PLIN2: variants seen among roughly 807,000 people sequenced by gnomAD.
PLIN2 encodes perilipin-2.
In PLIN2, 33 loss-of-function variants were observed where a neutral mutation model predicts 30.6. The ratio of observed to expected loss-of-function variants is 1.08; its 90% CI spans 0.82 to 1.44. PLIN2 has a LOEUF of 1.44. Among genes scored for constraint, PLIN2 ranks in the 40% most tolerant of loss-of-function variants. PLIN2 has a pLI of 0.00. For synonymous variants in PLIN2, 205 were observed against 201.1 expected (o/e 1.02, Z -0.16); for missense variants, 610 against 531.8 (o/e 1.15, Z -1.45).
At chr9:19,115,695 A>C (rs543782549), downstream of PLIN2, 2 of 152,386 alleles carry the variant, frequency 1.3e-5, no homozygotes, top group African/African-American at 4.8e-5. Context: ...ATGTATAATA[A>C]CTCTGTCATG....
At chr9:19,122,349 T>TGCC (rs2131182728) in intron 4 of PLIN2, among the ~76,000 whole-genome samples, 1 of 152,226 alleles carries the variant, frequency 6.6e-6, no homozygotes, top group Non-Finnish European at 1.5e-5. Context: ...TATAATGAAC[T>TGCC]GCCCTATAAC....
Position 19,116,273 on chromosome 9 carries a change from T to C in PLIN2, c.1289A>G (p.Gln430Arg). The C allele has an allele frequency of 1.9e-6, 3 of 1,603,694 alleles. No homozygotes were observed. Among genetic ancestry groups the C allele is most frequent in the Non-Finnish European group, 2.6e-6 (3 of 1,174,234 alleles). The change falls in exon 8 of 8, where the codon CAG becomes CGG. Residue 430 changes from glutamine to arginine, a missense_variant. By Grantham distance (43) the Gln-to-Arg change is conservative. Transcript: ENST00000276914. ...TTAATGAGTTTTATGCTCAGATCGC[T>C]GGGTCTCCTGGCTGCTCTTGTCCAT... The part of the protein sequence containing the change: ...AEMDKSSQET[Q>R]RSEHKTH
chr9:19,124,224 C>A (rs2131184625), intron 3 of PLIN2, among the ~76,000 whole-genome samples: 1 of 152,112 alleles, frequency 6.6e-6, no homozygotes, highest in South Asian at 2.1e-4. Flanking sequence ...TATCAACTGG[C>A]CCCTAATGTT....
intron 2 of PLIN2, among the ~76,000 whole-genome samples, chr9:19,109,191 C>G (rs1192382972): frequency 6.6e-6 from 1 of 152,176 alleles, no homozygotes; most frequent in Non-Finnish European, 1.5e-5. Context: ...ACAAGAAACT[C>G]TATCAAATTT....
intron 4 of PLIN2, 126 bp from the exon 5 acceptor site, chr9:19,121,291 T>G: frequency 1.2e-6 from 1 of 826,544 alleles, no homozygotes; most frequent in Non-Finnish European, 1.9e-6. Context: ...ACTCTAGCTT[T>G]AGGTCTTGGG....
chr9:19,118,169 T>A, intron 7 of PLIN2, 152 bp downstream of exon 7: 1 of 692,906 alleles, frequency 1.4e-6, no homozygotes. Context: ...TAGTTTTGCT[T>A]TTCTGCCACA....
At chr9:19,116,694 G>A in intron 7 of PLIN2, 45 bp from the exon 8 acceptor site, 1 of 1,525,476 alleles carries the variant, frequency 6.6e-7, no homozygotes. Flanking sequence ...ACAGTGCTAT[G>A]TATAAATTAG....
downstream of PLIN2, among the ~76,000 whole-genome samples, chr9:19,114,019 C>G (rs1818189756): frequency 2.0e-5 from 3 of 152,068 alleles, no homozygotes; most frequent in Non-Finnish European, 4.4e-5. Flanking sequence ...ACCTCTTGAT[C>G]TGCCAGCCTC....
chr9:19,122,313 A>G (rs543782609), intron 4 of PLIN2, among the ~76,000 whole-genome samples: 326 of 152,278 alleles, frequency 2.1e-3, no homozygotes, highest in Non-Finnish European at 3.6e-3. Context: ...GCGATGGACC[A>G]CTATTCAATG....
chr9:19,118,212 A>G, intron 7 of PLIN2, 109 bp downstream of exon 7: 2 of 1,120,596 alleles, frequency 1.8e-6, no homozygotes, highest in Non-Finnish European at 2.5e-6. Context: ...GTATTGTTCA[A>G]CCTTTTGATA....
At position 19,116,444 on chromosome 9, in the gene PLIN2, G is replaced by T; in HGVS notation, c.1118C>A (p.Ser373Tyr). The T allele has an allele frequency of 6.2e-7, 1 of 1,614,166 alleles. No homozygotes were observed. The highest frequency in any genetic ancestry group is 8.5e-7 in the Non-Finnish European group (1 of 1,180,022). Residue 373 changes from serine to tyrosine, a missense_variant, in exon 8 of 8, where the codon TCT becomes TAT. Physicochemically the swap from Ser to Tyr is moderately radical, Grantham distance 144. Transcript: ENST00000276914. ...FKEVSDSLLT[S>Y]SKGQLQKMKE... The stretch of plus-strand genomic sequence containing the variant: ...CATTTTCTGCAGCTGCCCCTTGCTA[G>T]AAGTGAGGAGGCTGTCAGACACTTC...
Position 19,126,385 on chromosome 9 carries a change from C to A in PLIN2, c.30+12G>T, listed in dbSNP as rs1370961807. Reference sequence around the variant, plus strand: ...GGAGAGAAAGTAGACAAAGGCTACTCAAAATTCATACCGGTTGTGGATCAA... The same window carrying A: ...GGAGAGAAAGTAGACAAAGGCTACTAAAAATTCATACCGGTTGTGGATCAA... On this transcript the variant is annotated intron_variant, in intron 2 of 7. Transcript: ENST00000276914. 1.9e-6 allele frequency: 3 copies of A among 1,613,890 alleles called. No homozygotes were observed. The highest frequency in any genetic ancestry group is 2.5e-6 in the Non-Finnish European group (3 of 1,179,862).
chr9:19,119,385 C>T (rs1292447951), intron 6 of PLIN2, among the ~76,000 whole-genome samples: 1 of 152,204 alleles, frequency 6.6e-6, no homozygotes, highest in African/African-American at 2.4e-5. Flanking sequence ...TTCTCTACAC[C>T]GTTGCCAACA....
At chr9:19,123,186 A>T (rs1432274039) in intron 4 of PLIN2, 1 of 629,714 alleles carries the variant, frequency 1.6e-6, no homozygotes, top group Non-Finnish European at 2.7e-6. Context: ...TAGCTATCCC[A>T]TATGGATGGT....
intron 4 of PLIN2, chr9:19,123,276 A>C: frequency 7.8e-7 from 1 of 1,283,458 alleles, no homozygotes; most frequent in Non-Finnish European, 1.1e-6. Flanking sequence ...CCACAAGACA[A>C]TCAGTTACTT....
intron 3 of PLIN2, among the ~76,000 whole-genome samples, chr9:19,124,820 G>A (rs1185685906): frequency 6.6e-6 from 1 of 152,094 alleles, no homozygotes; most frequent in Non-Finnish European, 1.5e-5. Context: ...AAAGTAGAAC[G>A]AACCCAAACA....
intron 3 of PLIN2, among the ~76,000 whole-genome samples, chr9:19,124,019 A>T (rs1323263220): frequency 6.7e-6 from 1 of 150,094 alleles, no homozygotes; most frequent in African/African-American, 2.4e-5. Flanking sequence ...CTCCATCTCA[A>T]AAAAAAAAAA....
chr9:19,120,153 A>G (rs1701141368), intron 5 of PLIN2, among the ~76,000 whole-genome samples: 1 of 151,492 alleles, frequency 6.6e-6, no homozygotes, highest in Non-Finnish European at 1.5e-5. Context: ...CAACCTCCCG[A>G]GCTCAACTGA....
intron 7 of PLIN2, 99 bp from the exon 8 acceptor site, chr9:19,116,748 T>C: frequency 2.1e-6 from 2 of 958,188 alleles, no homozygotes; most frequent in South Asian, 3.2e-5. Context: ...CATATGTGGA[T>C]TCTTTGGCTT....
Sources: allele counts gnomAD v4.1 joint callset (sites outside exome capture counted in the v4.1 genomes callset), GRCh38; gene constraint gnomAD v4.1.1; transcripts MANE v1.5; gene names NCBI Gene and HGNC (gene_info 2026-07-23, HGNC 2026-07-21).